MDH1: variants seen among roughly 807,000 people sequenced by gnomAD.
MDH1 encodes malate dehydrogenase, cytoplasmic.
In MDH1, 15 loss-of-function variants were observed where a neutral mutation model predicts 38.7. The ratio of observed to expected loss-of-function variants is 0.39; its 90% confidence interval spans 0.26 to 0.60. MDH1 has a LOEUF of 0.60. MDH1 is among the 20% of genes least tolerant of loss of function. MDH1 has a pLI of 0.56. For missense variants in MDH1, 368 were observed against 405.2 expected, an observed-to-expected ratio of 0.91 and a Z score of 0.79; for synonymous variants, 144 against 143.6, an observed-to-expected ratio of 1.00 and a Z score of -0.02.
intron 3 of MDH1, 160 bp from the exon 4 acceptor site, chr2:63,597,239 A>C: frequency 1.0e-6 from 1 of 959,294 alleles, no homozygotes; most frequent in Non-Finnish European, 1.2e-6. Context: ...ATGATTGTTA[A>C]ATTAATATAT....
chr2:63,599,297 GA>G lies in MDH1; in HGVS notation c.498+10del, dbSNP rs757624328. The G allele has an allele frequency of 2.5e-6, 4 of 1,605,918 alleles. No homozygotes were observed. In the African/African-American group the frequency reaches 4.0e-5, roughly 16 times the overall value. On this transcript the variant is annotated splice_donor_region_variant and intron_variant, in intron 5 of 8. Coordinates refer to ENST00000233114, the MANE Select transcript of MDH1 (RefSeq NM_005917.4). ...CACAACCGAGCTAAAGCTCAAGTAA[GA>G]AAAATATATTTTAAATCTTGTGGTT...
Position 63,604,872 on chromosome 2 carries a change from G to A in MDH1, c.675G>A (p.Thr225=), listed in dbSNP as rs756694905. ...DDSWLKGEFV[T]TVQQRGAAVI... is the part of the protein sequence containing the mutation. ...GCTGGCTCAAGGGAGAATTTGTCAC[G>A]GTAAGAAAAATCTGTGAGCCTTCTT... is the stretch of plus-strand genomic sequence containing the variant. The change falls in exon 6 of 9, where the codon ACG becomes ACA. Residue 225 remains threonine (T), a splice_region_variant and synonymous_variant. Transcript: ENST00000233114. 24 of 1,613,636 alleles carry A rather than the reference G, an allele frequency of 1.5e-5. No homozygotes were observed. Among genetic ancestry groups the A allele is most frequent in the South Asian group, 7.7e-5 (7 of 91,018 alleles).
chr2:63,606,816 A>G, intron 8 of MDH1, 46 bp from the exon 9 acceptor site: 1 of 1,501,652 alleles, frequency 6.7e-7, no homozygotes, highest in Non-Finnish European at 9.0e-7. Context: ...GCTTACTGAA[A>G]GATCAGTTCC....
chr2:63,597,748 C>G, intron 4 of MDH1, 174 bp downstream of exon 4: 1 of 471,354 alleles, frequency 2.1e-6, no homozygotes, highest in Non-Finnish European at 3.4e-6. Context: ...TTTTTTCTTA[C>G]AGTATAGAAA....
chr2:63,597,322 G>C (rs778263914), intron 3 of MDH1, 77 bp from the exon 4 acceptor site: 17 of 1,299,394 alleles, frequency 1.3e-5, no homozygotes, highest in Non-Finnish European at 1.6e-5. Flanking sequence ...AGAATTAATG[G>C]GTAGATTCAA....
intron 5 of MDH1, among the ~76,000 whole-genome samples, chr2:63,603,282 G>A (rs984922627): frequency 6.6e-6 from 1 of 152,030 alleles, no homozygotes; most frequent in Admixed American, 6.5e-5. Context: ...AACGACATTT[G>A]AGTTGTTTCA....
chr2:63,595,268 A>G (rs577687140), intron 2 of MDH1, among the ~76,000 whole-genome samples, 155 bp from the exon 3 acceptor site: 17 of 152,198 alleles, frequency 1.1e-4, no homozygotes, highest in Non-Finnish European at 7.3e-5. Flanking sequence ...TGAAAGTGGC[A>G]TAGTGCTAGA....
intron 1 of MDH1, chr2:63,593,648 T>TG: frequency 2.1e-6 from 1 of 471,678 alleles, no homozygotes; most frequent in Non-Finnish European, 4.4e-6. Flanking sequence ...AAGGTGACAG[T>TG]GGAAGTACAT....
intron 5 of MDH1, among the ~76,000 whole-genome samples, chr2:63,600,914 C>T (rs1046387910): frequency 6.6e-6 from 1 of 152,302 alleles, no homozygotes; most frequent in Non-Finnish European, 1.5e-5. Flanking sequence ...AAGAAAGTTC[C>T]TACAACAATG....
chr2:63,604,806 A>G lies in MDH1; in HGVS notation c.609A>G (p.Gln203=). 1 of 1,614,216 alleles carries G rather than the reference A, an allele frequency of 6.2e-7. No homozygotes were observed. The highest frequency in any genetic ancestry group is 8.5e-7 in the Non-Finnish European group (1 of 1,180,036). Reference sequence around the variant, plus strand: ...TCAACCATGCCAAGGTGAAATTGCAAGGAAAGGAAGTTGGTGTTTATGAAG... The same window carrying G: ...TCAACCATGCCAAGGTGAAATTGCAGGGAAAGGAAGTTGGTGTTTATGAAG... The part of the protein sequence containing the change: ...PDVNHAKVKL[Q]GKEVGVYEAL... Residue 203 remains glutamine (Q), a synonymous_variant, in exon 6 of 9, where the codon CAA becomes CAG. Transcript: ENST00000233114.
At chr2:63,589,833 G>A in intron 1 of MDH1, 1 of 209,866 alleles carries the variant, frequency 4.8e-6, no homozygotes, top group Admixed American at 5.1e-5. Flanking sequence ...AATAATCTGC[G>A]TACTGCTTGA....
intron 1 of MDH1, among the ~76,000 whole-genome samples, chr2:63,592,233 T>C (rs1181678792): frequency 1.3e-5 from 2 of 152,254 alleles, no homozygotes; most frequent in African/African-American, 4.8e-5. Flanking sequence ...TAAGGTAATA[T>C]CATTAGTACT....
rs1558859358 is a variant in MDH1, at chr2:63,594,599, G to A, written c.102+13G>A. 2.6e-6 allele frequency: 4 copies of A among 1,561,518 alleles called. No homozygotes were observed. In the South Asian group the frequency reaches 3.4e-5, roughly 13 times the overall value. On this transcript the variant is annotated intron_variant, in intron 2 of 8. Transcript: ENST00000233114. ...TGGTAAAGATCAGGTAGGAACAGGT[G>A]TCTATAAATCTTAAGTTATTAGAGT...
chr2:63,590,402 G>T (rs1221962824), intron 1 of MDH1: 1 of 152,000 alleles, frequency 6.6e-6, no homozygotes, highest in Non-Finnish European at 1.5e-5. Flanking sequence ...TATTTTTATA[G>T]GGACCACCGC....
At chr2:63,593,634 G>T in intron 1 of MDH1, 2 of 471,642 alleles carry the variant, frequency 4.2e-6, no homozygotes. Context: ...TGCAGGTAGG[G>T]GTAAAGGTGA....
intron 8 of MDH1, 26 bp from the exon 9 acceptor site, chr2:63,606,836 C>G: frequency 6.3e-7 from 1 of 1,576,918 alleles, no homozygotes; most frequent in Non-Finnish European, 8.6e-7. Flanking sequence ...CAGTTTAAAT[C>G]TCTTATTTGC....
At chr2:63,600,240 C>A (rs1709393448) in intron 5 of MDH1, among the ~76,000 whole-genome samples, 1 of 152,202 alleles carries the variant, frequency 6.6e-6, no homozygotes, top group Admixed American at 6.5e-5. Context: ...ATTTGTTAAG[C>A]ATCTACTGTA....
At chr2:63,597,277 A>G (rs2106611140) in intron 3 of MDH1, 122 bp from the exon 4 acceptor site, 1 of 1,247,634 alleles carries the variant, frequency 8.0e-7, no homozygotes, top group East Asian at 3.1e-5. Context: ...TGAAATGTAT[A>G]TCAGTGTGAT....
intron 4 of MDH1, 102 bp from the exon 5 acceptor site, chr2:63,599,068 C>G: frequency 8.7e-7 from 1 of 1,152,006 alleles, no homozygotes; most frequent in Non-Finnish European, 1.2e-6. Context: ...CAAGCCTCCC[C>G]TGTACAAAGG....
Sources: allele counts gnomAD v4.1 joint callset (sites outside exome capture counted in the v4.1 genomes callset), GRCh38; gene constraint gnomAD v4.1.1; transcripts MANE v1.5; gene names NCBI Gene and HGNC (gene_info 2026-07-23, HGNC 2026-07-21).